PREX2: variants seen among roughly 807,000 people sequenced by gnomAD.
The protein encoded by PREX2 is phosphatidylinositol 3,4,5-trisphosphate-dependent Rac exchanger 2 protein.
A neutral mutation model predicts 203.2 loss-of-function variants in PREX2; 107 were observed. The observed-to-expected ratio is 0.53, with a 90% CI of 0.45 to 0.62. The LOEUF (loss-of-function observed/expected upper bound fraction) is 0.62. Ranked by LOEUF, PREX2 falls within the 20% of genes least tolerant of loss-of-function variation. PREX2 has a pLI of 0.00. For synonymous variants in PREX2, 672 were observed against 663.6 expected (o/e 1.01, Z -0.19); for missense variants, 1,777 against 1,955.9 (o/e 0.91, Z 1.72).
At chr8:68,192,717 G>A in intron 37 of PREX2, 192 bp downstream of exon 37, 2 of 450,148 alleles carry the variant, frequency 4.4e-6, no homozygotes, top group Non-Finnish European at 7.8e-6. Context: ...TACACATGAA[G>A]GCAATCCCAC....
chr8:68,004,720 G>A (rs13276328), intron 1 of PREX2, among the ~76,000 whole-genome samples: 5 of 151,928 alleles, frequency 3.3e-5, no homozygotes, highest in South Asian at 2.1e-4. Flanking sequence ...TCCATATTCC[G>A]TCAGGTATGG....
intron 1 of PREX2, among the ~76,000 whole-genome samples, chr8:67,979,586 A>C (rs1806207822): frequency 6.6e-6 from 1 of 152,218 alleles, no homozygotes. Flanking sequence ...ATGACATGGA[A>C]ATTCAAATTA....
intron 1 of PREX2, among the ~76,000 whole-genome samples, chr8:67,978,274 G>GT (rs958018442): frequency 9.2e-5 from 14 of 152,072 alleles, no homozygotes; most frequent in African/African-American, 2.9e-4. Flanking sequence ...GAGAAACTGA[G>GT]TTTTTTTTCC....
intron 8 of PREX2, among the ~76,000 whole-genome samples, chr8:68,049,246 A>G (rs116582124): frequency 0.015 from 2,260 of 151,678 alleles, 48 homozygotes; most frequent in African/African-American, 0.052. Context: ...AATATTTATG[A>G]AGAAATTATA....
chr8:68,142,449 A>C (rs1375123521), intron 33 of PREX2, among the ~76,000 whole-genome samples: 1 of 152,172 alleles, frequency 6.6e-6, no homozygotes, highest in Non-Finnish European at 1.5e-5. Context: ...AGCTTCCTTC[A>C]TGTCTTTTCA....
intron 37 of PREX2, among the ~76,000 whole-genome samples, chr8:68,203,530 A>G (rs1031995460): frequency 1.3e-5 from 2 of 152,162 alleles, no homozygotes; most frequent in Non-Finnish European, 2.9e-5. Context: ...ACAGAGATAT[A>G]TTTGAGCTGG....
chr8:68,058,722 A>G (rs1309380563), intron 10 of PREX2, among the ~76,000 whole-genome samples: 8 of 152,168 alleles, frequency 5.3e-5, no homozygotes, highest in Admixed American at 5.2e-4. Flanking sequence ...GGCATGAGCC[A>G]CTTTGCCCGG....
At chr8:68,086,991 G>T (rs1809712615) in intron 18 of PREX2, among the ~76,000 whole-genome samples, 3 of 152,156 alleles carry the variant, frequency 2.0e-5, no homozygotes, top group African/African-American at 7.2e-5. Flanking sequence ...TTTTTATAAA[G>T]AATTTCATAG....
At chr8:67,954,573 G>A (rs1294605338) in intron 1 of PREX2, among the ~76,000 whole-genome samples, 1 of 152,168 alleles carries the variant, frequency 6.6e-6, no homozygotes, top group Admixed American at 6.5e-5. Context: ...CTAAGGGAAT[G>A]ATCAGAGATG....
intron 37 of PREX2, among the ~76,000 whole-genome samples, chr8:68,202,820 T>C (rs1475326089): frequency 6.6e-6 from 1 of 152,000 alleles, no homozygotes; most frequent in Non-Finnish European, 1.5e-5. Flanking sequence ...CCAGGTAGGG[T>C]GTCTGCAAGC....
At chr8:68,141,683 A>AGGG (rs1335207317) in intron 33 of PREX2, among the ~76,000 whole-genome samples, 1 of 152,138 alleles carries the variant, frequency 6.6e-6, no homozygotes, top group Non-Finnish European at 1.5e-5. Flanking sequence ...ACCAAGGCAG[A>AGGG]GGGAACTAAC....
chr8:68,098,386 A>G (rs931060001), intron 22 of PREX2, among the ~76,000 whole-genome samples: 3 of 152,174 alleles, frequency 2.0e-5, no homozygotes, highest in African/African-American at 7.2e-5. Context: ...TTTTAAAAGT[A>G]ATTATTTTAT....
intron 1 of PREX2, among the ~76,000 whole-genome samples, chr8:67,999,926 T>TA (rs1049651236): frequency 1.1e-4 from 16 of 152,176 alleles, no homozygotes; most frequent in Admixed American, 3.3e-4. Context: ...TGCTTCATGT[T>TA]AAAAAACTCT....
At chr8:67,997,525 G>A (rs6999098) in intron 1 of PREX2, among the ~76,000 whole-genome samples, 98,189 of 151,960 alleles carry the variant, frequency 0.65, 31,976 homozygotes, top group African/African-American at 0.72. Flanking sequence ...CTTTATAACA[G>A]GTCTTGAAAT....
At chr8:68,212,125 G>T (rs1035849564) in intron 37 of PREX2, among the ~76,000 whole-genome samples, 5 of 152,046 alleles carry the variant, frequency 3.3e-5, no homozygotes, top group Non-Finnish European at 5.9e-5. Context: ...CCTTCTCCCT[G>T]TGTGCACCAG....
intron 1 of PREX2, among the ~76,000 whole-genome samples, chr8:67,983,833 G>A (rs1006974449): frequency 6.6e-6 from 1 of 152,186 alleles, no homozygotes; most frequent in African/African-American, 2.4e-5. Context: ...GATCCTAGAA[G>A]TTCTTAATCT....
intron 23 of PREX2, chr8:68,105,760 T>C (rs1355165647): frequency 1.6e-5 from 3 of 186,556 alleles, no homozygotes; most frequent in Non-Finnish European, 2.9e-5. Context: ...TATATGTATA[T>C]ATATATAAAA....
At chr8:68,061,689 G>A (rs1027745161) in intron 11 of PREX2, among the ~76,000 whole-genome samples, 9 of 152,208 alleles carry the variant, frequency 5.9e-5, no homozygotes, top group African/African-American at 1.9e-4. Context: ...TTCAGGAGGA[G>A]GATCAGGGTT....
intron 5 of PREX2, among the ~76,000 whole-genome samples, 197 bp from the exon 6 acceptor site, chr8:68,030,300 G>C (rs1270723501): frequency 6.6e-6 from 1 of 152,138 alleles, no homozygotes; most frequent in Non-Finnish European, 1.5e-5. Flanking sequence ...AAAAATTAAA[G>C]TGACTGCAAA....
Sources: allele counts gnomAD v4.1 joint callset (sites outside exome capture counted in the v4.1 genomes callset), GRCh38; gene constraint gnomAD v4.1.1; transcripts MANE v1.5; gene names NCBI Gene and HGNC (gene_info 2026-07-23, HGNC 2026-07-21).